The following DHX33 variants were observed in gnomAD, a reference collection of about 807,000 sequenced individuals.
DHX33 encodes ATP-dependent RNA helicase DHX33.
Under a neutral mutation model 72.5 loss-of-function variants are expected in DHX33, and 42 were observed. The observed-to-expected ratio is 0.58, with a 90% CI of 0.45 to 0.75. The LOEUF is 0.75. DHX33 is among the 30% of genes least tolerant of loss of function. DHX33 has a pLI of 0.00. For missense variants in DHX33, 842 were observed against 917.5 expected, an observed-to-expected ratio of 0.92 and a Z score of 1.06; for synonymous variants, 358 against 366.1, an observed-to-expected ratio of 0.98 and a Z score of 0.25.
chr17:5,451,378 T>C (rs1274296784), intron 8 of DHX33, among the ~76,000 whole-genome samples: 1 of 152,222 alleles, frequency 6.6e-6, no homozygotes, highest in East Asian at 1.9e-4. Flanking sequence ...GTGCTAGGAT[T>C]ACAGGTGTGA....
chr17:5,459,813 T>G (rs1305127060), intron 4 of DHX33, among the ~76,000 whole-genome samples: 3 of 151,902 alleles, frequency 2.0e-5, no homozygotes, highest in African/African-American at 7.3e-5. Flanking sequence ...AAAAAATAAT[T>G]TTTATAATTT....
chr17:5,448,667 G>A (rs1048348789), intron 11 of DHX33, 142 bp downstream of exon 11: 2 of 514,932 alleles, frequency 3.9e-6, no homozygotes, highest in Non-Finnish European at 6.6e-6. Context: ...TGGAATTGTG[G>A]GTAACTTCCT....
intron 8 of DHX33, among the ~76,000 whole-genome samples, chr17:5,452,447 G>A (rs112753329): frequency 0.042 from 6,384 of 152,316 alleles, 199 homozygotes; most frequent in African/African-American, 0.083. Context: ...GGCTGAGGCA[G>A]GAGAATCACC....
intron 8 of DHX33, among the ~76,000 whole-genome samples, 197 bp downstream of exon 8, chr17:5,453,383 C>T (rs989594923): frequency 4.6e-5 from 7 of 152,184 alleles, no homozygotes; most frequent in African/African-American, 1.4e-4. Context: ...CAGTGAGACC[C>T]TGTCTCTTTA....
chr17:5,448,098 G>C (rs1332684935), intron 11 of DHX33, among the ~76,000 whole-genome samples: 2 of 152,162 alleles, frequency 1.3e-5, no homozygotes, highest in African/African-American at 4.8e-5. Context: ...AGAATCACCT[G>C]AACTCGGGAG....
chr17:5,443,570 G>A lies in DHX33; in HGVS notation c.*635C>T, dbSNP rs901628302. ...CACCCTGAGACACAAGCGTTCAGTA[G>A]GGATCGCCATCCCAGGAGGTACGAG... On this transcript the variant is annotated 3_prime_UTR_variant, in exon 12 of 12. Transcript: ENST00000225296. The A allele has an allele frequency of 3.6e-4, 55 of 152,468 alleles. No homozygotes were observed. The highest frequency in any genetic ancestry group is 6.1e-4 in the Non-Finnish European group (42 of 68,342). 9.4% of individuals were successfully genotyped at this position (152,468 alleles called of 1,614,324 possible). A position where few individuals can be genotyped will look rare whatever the true frequency, so the allele number is the denominator to read the frequency against.
intron 11 of DHX33, among the ~76,000 whole-genome samples, chr17:5,446,892 T>TA (rs1004377749): frequency 7.9e-5 from 12 of 152,108 alleles, no homozygotes; most frequent in Non-Finnish European, 1.6e-4. Flanking sequence ...AAAAGCAGTT[T>TA]AAAAAAATGT....
chr17:5,463,661 C>T lies in DHX33; in HGVS notation c.318G>A (p.Gln106=). The T allele has an allele frequency of 6.2e-7, 1 of 1,611,606 alleles. No homozygotes were observed. Among genetic ancestry groups the T allele is most frequent in the Non-Finnish European group, 8.5e-7 (1 of 1,179,030 alleles). Residue 106 remains glutamine, a synonymous_variant, in exon 2 of 12, where the codon CAG becomes CAA. Transcript: ENST00000225296. Reference sequence around the variant, plus strand: ...CTCCTTCATACAGGTACTGAGGGATCTGAGTTGTCTTCCCAGAGCCAGTTT... The same window carrying T: ...CTCCTTCATACAGGTACTGAGGGATTTGAGTTGTCTTCCCAGAGCCAGTTT... ...IGETGSGKTT[Q]IPQYLYEGGI... is the part of the protein sequence containing the mutation.
Position 5,444,623 on chromosome 17 carries a change from T to G in DHX33, c.1816-110A>C. On this transcript the variant is annotated intron_variant, in intron 11 of 11. Coordinates refer to ENST00000225296, the MANE Select transcript of DHX33 (RefSeq NM_020162.4). The surrounding 1 kb of genome is among the most constrained non-coding windows in gnomAD (Gnocchi z 4.9). ...CCACTGGGGCAAAAGCAGCCCACAT[T>G]GTGAGCCTAACGATGTGGATTCTGA... The G allele has an allele frequency of 8.9e-7, 1 of 1,129,292 alleles. No homozygotes were observed. Among genetic ancestry groups the G allele is most frequent in the Non-Finnish European group, 1.3e-6 (1 of 799,008 alleles). 70.0% of individuals were successfully genotyped at this position (1,129,292 alleles called of 1,614,324 possible).
rs987487528 is a variant in DHX33, at chr17:5,454,895, T to C, written c.1147+265A>G. On this transcript the variant is annotated intron_variant, in intron 6 of 11. Transcript: ENST00000225296. ...GCCTTAGAGCCGACTTCTGATGGGG[T>C]ACCAGACCCTCTGCCCAGGTCCCTG... Among the ~76,000 whole-genome samples, 3 of 152,168 alleles carry C rather than the reference T, an allele frequency of 2.0e-5. No homozygotes were observed. In the South Asian group the frequency reaches 6.2e-4, roughly 32 times the overall value.
intron 8 of DHX33, among the ~76,000 whole-genome samples, chr17:5,451,806 A>C: frequency 6.6e-6 from 1 of 152,216 alleles, no homozygotes; most frequent in East Asian, 1.9e-4. Context: ...GCTTTTTTAA[A>C]GCAATATTTA....
At chr17:5,462,230 G>A (rs1157969955) in intron 3 of DHX33, 89 bp downstream of exon 3, 131 of 1,280,522 alleles carry the variant, frequency 1.0e-4, no homozygotes, top group Non-Finnish European at 1.3e-4. Context: ...GTGAGCCACC[G>A]CGCCCAGCCA....
At chr17:5,449,199 C>A (rs1476561) in intron 10 of DHX33, among the ~76,000 whole-genome samples, 2 of 152,150 alleles carry the variant, frequency 1.3e-5, no homozygotes, top group African/African-American at 4.8e-5. Context: ...TATCAAAAAA[C>A]ATGAACTATA....
chr17:5,455,237 G>C lies in DHX33; in HGVS notation c.1070C>G (p.Ala357Gly), dbSNP rs1198390412. 1 of 1,614,174 alleles carries C rather than the reference G, an allele frequency of 6.2e-7. No individual in the cohort carries two copies. ...TCCTGTAATGGTTATGGAGGTTTCA[G>C]CGATGTTGGTTGAAATGATCACTTT... Reference protein sequence around the residue: ...YRKVIISTNIAETSITITGIK... With the variant: ...YRKVIISTNIGETSITITGIK... Residue 357 changes from alanine (A) to glycine (G), a missense_variant, in exon 6 of 12, where the codon GCT becomes GGT. By Grantham distance (60) the Ala-to-Gly change is moderately conservative. Coordinates refer to ENST00000225296, the MANE Select transcript of DHX33 (RefSeq NM_020162.4).
rs756379689 is a variant in DHX33, at chr17:5,453,872, G to A, written c.1256C>T (p.Thr419Met). 2.5e-6 allele frequency: 4 copies of A among 1,614,012 alleles called. No homozygotes were observed. Among genetic ancestry groups the A allele is most frequent in the Non-Finnish European group, 3.4e-6 (4 of 1,179,990 alleles). ...EDSGICYRLY[T>M]EDEFEKFDKM... ...ATCAAACTTCTCAAACTCGTCCTCC[G>A]TGTAGAGCCGGTAGCAGATGCCACT... The change falls in exon 7 of 12, where the codon ACG becomes ATG. Residue 419 changes from threonine (T) to methionine (M), a missense_variant. Transcript: ENST00000225296.
chr17:5,452,102 G>A (rs1460412132), intron 8 of DHX33, among the ~76,000 whole-genome samples: 3 of 150,086 alleles, frequency 2.0e-5, no homozygotes, highest in African/African-American at 4.9e-5. Flanking sequence ...ACTCCTGGGG[G>A]CTTCAATTGG....
In DHX33 at chr17:5,442,282, A is replaced by G. The variant is rs1203580971; in HGVS notation, c.*1923T>C. 1 of 133,906 alleles carries G rather than the reference A, an allele frequency of 7.5e-6. No homozygotes were observed. Among genetic ancestry groups the G allele is most frequent in the African/African-American group, 2.9e-5 (1 of 34,288 alleles). The allele number at this position is 133,906 out of a possible 1,614,324, so 8.3% of individuals were successfully genotyped here. A position where few individuals can be genotyped will look rare whatever the true frequency, so the allele number is the denominator to read the frequency against. On this transcript the variant is annotated 3_prime_UTR_variant, in exon 12 of 12. Transcript: ENST00000225296. ...TTTTTTTTTTTTTTTTTTTACCAGCACTATGAATGATTAAAAATACAATAT... is the reference window on the plus strand; with the variant it reads ...TTTTTTTTTTTTTTTTTTTACCAGCGCTATGAATGATTAAAAATACAATAT...
In DHX33 at chr17:5,468,785, G is replaced by A. The variant is rs751771413; in HGVS notation, c.75C>T (p.Ser25=). Residue 25 remains serine, a synonymous_variant, in exon 1 of 12, where the codon TCC becomes TCT. Transcript: ENST00000225296. ...PGSGPPSRAG[S]FPPGRQVVML... ...TCACCACTTGCCTCCCGGGAGGGAA[G>A]GACCCAGCGCGGCTCGGAGGTCCAG... 6.8e-6 allele frequency: 11 copies of A among 1,606,450 alleles called. No homozygotes were observed. The East Asian group carries it at 2.5e-4, about 36-fold the overall frequency.
At position 5,441,595 on chromosome 17, in the gene DHX33, T is replaced by G. The variant is rs140459852; in HGVS notation, c.*2610A>C. On this transcript the variant is annotated 3_prime_UTR_variant, in exon 12 of 12. Transcript: ENST00000225296. Reference sequence around the variant, plus strand: ...GTGTACTATCTCCTGCAGCTCAATATAAACAACGATGTATTTCTTTGTAGC... The same window carrying G: ...GTGTACTATCTCCTGCAGCTCAATAGAAACAACGATGTATTTCTTTGTAGC... The G allele has an allele frequency of 2.0e-5, 3 of 152,332 alleles. No homozygotes were observed. Among genetic ancestry groups the G allele is most frequent in the African/African-American group, 7.2e-5 (3 of 41,578 alleles). The allele number at this position is 152,332 out of a possible 1,614,324, so 9.4% of individuals were successfully genotyped here.
Sources: allele counts gnomAD v4.1 joint callset (sites outside exome capture counted in the v4.1 genomes callset), GRCh38; gene constraint gnomAD v4.1.1; non-coding constraint Gnocchi (gnomAD v3.1); transcripts MANE v1.5; gene names NCBI Gene and HGNC (gene_info 2026-07-23, HGNC 2026-07-21).